Variants in LCOR observed in about 807,000 individuals in gnomAD.
LCOR encodes ligand dependent nuclear receptor corepressor, also known as ligand-dependent corepressor.
LCOR carries 14 observed loss-of-function variants against 64.4 expected under a neutral mutation model. That is an observed-to-expected ratio of 0.22 (90% confidence interval 0.14 to 0.34). The LOEUF (loss-of-function observed/expected upper bound fraction) is 0.34. Among genes scored for constraint, LCOR ranks in the 10% least tolerant of loss-of-function variants. The pLI is 1.00. For missense variants in LCOR, 1,686 were observed against 1,765.3 expected (o/e 0.96, Z 0.80); for synonymous variants, 643 against 642.5 (o/e 1.00, Z -0.01).
At chr10:96,932,483 G>C (rs1333879421) in intron 4 of LCOR, among the ~76,000 whole-genome samples, 1 of 151,366 alleles carries the variant, frequency 6.6e-6, no homozygotes, top group African/African-American at 2.4e-5. Flanking sequence ...TTTATTTTTT[G>C]AGACAGAGTC....
intron 4 of LCOR, among the ~76,000 whole-genome samples, chr10:96,927,102 A>G (rs1003804296): frequency 2.6e-5 from 4 of 152,328 alleles, no homozygotes; most frequent in African/African-American, 9.6e-5. Context: ...CGGTTTACCA[A>G]AGTGACTGAA....
At chr10:96,907,023 A>G (rs1048876068) in intron 2 of LCOR, among the ~76,000 whole-genome samples, 1 of 152,174 alleles carries the variant, frequency 6.6e-6, no homozygotes, top group African/African-American at 2.4e-5. Flanking sequence ...GTGAATTTCC[A>G]TTCCTTCATT....
At position 96,994,251 on chromosome 10, in the gene LCOR, C is replaced by T. The variant is rs1848224618; in HGVS notation, c.*9117C>T. On this transcript the variant is annotated 3_prime_UTR_variant, in exon 8 of 8. Transcript: ENST00000421806. ...TATTTGACCTACCTTTAAAACCTAGCCCATTTCATATCAGCCTCTTCTGTG... is the reference window on the plus strand; with the variant it reads ...TATTTGACCTACCTTTAAAACCTAGTCCATTTCATATCAGCCTCTTCTGTG... 6.6e-6 allele frequency: 1 copy of T among 152,180 alleles called. No homozygotes were observed. Among genetic ancestry groups the T allele is most frequent in the South Asian group, 2.1e-4 (1 of 4,826 alleles). The allele number at this position is 152,180 out of a possible 1,614,324, so 9.4% of individuals were successfully genotyped here. A position where few individuals can be genotyped will look rare whatever the true frequency, so the allele number is the denominator to read the frequency against.
At chr10:96,841,661 A>G (rs73318667) in intron 2 of LCOR, among the ~76,000 whole-genome samples, 2,355 of 152,080 alleles carry the variant, frequency 0.015, 67 homozygotes, top group African/African-American at 0.054. Context: ...GCGCCTGGCC[A>G]AGACTTTCTT....
At chr10:96,957,217 T>C in intron 7 of LCOR, 1 of 984,870 alleles carries the variant, frequency 1.0e-6, no homozygotes, top group Non-Finnish European at 1.2e-6. Context: ...TTTTTTCTGT[T>C]TTTGGCATCC....
intron 2 of LCOR, among the ~76,000 whole-genome samples, chr10:96,869,938 T>G (rs1846043808): frequency 6.6e-6 from 1 of 152,192 alleles, no homozygotes; most frequent in African/African-American, 2.4e-5. Context: ...TGAGGATGTA[T>G]AGACTTACCT....
rs71007310 is a variant in LCOR at position 96,942,458 on chromosome 10, G to GGAGGGAGAGGGAGAGGGA, written c.-183-1653_-183-1636dup. ...GAAGGAGACCGTGGAGAGAGGGAGA[G>GGAGGGAGAGGGAGAGGGA]GAGGGAGAGGGAGAGGGAGCGGTCA... On this transcript the variant is annotated intron_variant, in intron 4 of 7. Coordinates refer to ENST00000421806, the MANE Select transcript of LCOR (RefSeq NM_001346516.2). 3.3e-3 allele frequency among the ~76,000 whole-genome samples: 498 copies of GGAGGGAGAGGGAGAGGGA among 150,654 alleles called. 4 individuals carry two copies. The highest frequency in any genetic ancestry group is 0.012 in the African/African-American group (480 of 41,012).
chr10:96,841,594 C>G (rs1845542706), intron 2 of LCOR, among the ~76,000 whole-genome samples: 1 of 152,010 alleles, frequency 6.6e-6, no homozygotes, highest in Non-Finnish European at 1.5e-5. Flanking sequence ...CTCCTGACCT[C>G]AAGTGATCTG....
chr10:96,974,719 A>C (rs138626153), intron 7 of LCOR, among the ~76,000 whole-genome samples: 3 of 152,356 alleles, frequency 2.0e-5, no homozygotes, highest in African/African-American at 7.2e-5. Flanking sequence ...GGAAAAATTG[A>C]ATAACTAGAA....
At chr10:96,871,475 C>T (rs1589620141) in intron 2 of LCOR, among the ~76,000 whole-genome samples, 2 of 152,010 alleles carry the variant, frequency 1.3e-5, no homozygotes, top group South Asian at 2.1e-4. Flanking sequence ...TGCAGTGGCA[C>T]GATCTCGGCT....
At position 96,981,377 on chromosome 10, in the gene LCOR, A is replaced by T; in HGVS notation, c.917A>T (p.Asp306Val). The T allele has an allele frequency of 6.2e-7, 1 of 1,614,184 alleles. No homozygotes were observed. Among genetic ancestry groups the T allele is most frequent in the South Asian group, 1.1e-5 (1 of 91,078 alleles). ...GACACAAATGTGAACATATGTGAGG[A>T]TGGTAAAGACCATATGCAGAGTTCA... Reference protein sequence around the residue: ...EQDTNVNICEDGKDHMQSSAL... With the variant: ...EQDTNVNICEVGKDHMQSSAL... Residue 306 changes from aspartate to valine, a missense_variant, in exon 8 of 8, where the codon GAT becomes GTT. By Grantham distance (152) the Asp-to-Val change is radical (BLOSUM62 -3). Around this residue, in one of 3 missense-constraint regions of LCOR, gnomAD observed 313 missense variants for 247.2 expected, o/e 1.27. Coordinates refer to ENST00000421806, the MANE Select transcript of LCOR (RefSeq NM_001346516.2).
chr10:96,860,239 G>C (rs1479970022), intron 2 of LCOR, among the ~76,000 whole-genome samples: 1 of 152,182 alleles, frequency 6.6e-6, no homozygotes, highest in African/African-American at 2.4e-5. Flanking sequence ...TCCAGTGCCT[G>C]TGAATTTTAG....
At chr10:96,976,043 C>A (rs1282103918) in intron 7 of LCOR, among the ~76,000 whole-genome samples, 1 of 152,110 alleles carries the variant, frequency 6.6e-6, no homozygotes, top group Non-Finnish European at 1.5e-5. Flanking sequence ...TTACCAAGCA[C>A]AGTGGCTTAG....
chr10:96,862,300 G>A (rs551197054), intron 2 of LCOR, among the ~76,000 whole-genome samples: 3 of 152,088 alleles, frequency 2.0e-5, no homozygotes, highest in East Asian at 1.9e-4. Flanking sequence ...TTGAGATAGC[G>A]TCTCACTTTG....
At chr10:96,924,326 A>C (rs898865715) in intron 4 of LCOR, among the ~76,000 whole-genome samples, 1 of 152,084 alleles carries the variant, frequency 6.6e-6, no homozygotes, top group Non-Finnish European at 1.5e-5. Context: ...CCTCAGCCCC[A>C]CAAGTAGCTG....
At position 96,983,173 on chromosome 10, in the gene LCOR, G is replaced by T; in HGVS notation, c.2713G>T (p.Gly905Trp). 2.5e-6 allele frequency: 4 copies of T among 1,614,140 alleles called. No individual in the cohort carries two copies. Among genetic ancestry groups the T allele is most frequent in the Non-Finnish European group, 3.4e-6 (4 of 1,180,040 alleles). ...KDAEQEGEGG[G>W]IITRQTLKNM... is the part of the protein sequence containing the mutation. ...TGCTGAGCAGGAGGGCGAAGGCGGG[G>T]GGATCATCACCAGGCAGACTTTGAA... Residue 905 changes from glycine (G) to tryptophan (W), a missense_variant, in exon 8 of 8, where the codon GGG becomes TGG. Around this residue, in one of 3 missense-constraint regions of LCOR, gnomAD observed 1,293 missense variants for 1,410.4 expected, o/e 0.92. Transcript: ENST00000421806. This position sits in a 1 kb window ranked among gnomAD's most constrained non-coding sequence, Gnocchi z 4.5.
intron 3 of LCOR, 30 bp downstream of exon 3, chr10:96,907,360 T>G (rs955056724): frequency 2.5e-6 from 2 of 808,756 alleles, no homozygotes; most frequent in African/African-American, 3.7e-5. Flanking sequence ...TATTTCAAAT[T>G]CTTCCTGGTG....
chr10:96,917,054 A>G (rs985569256), intron 4 of LCOR, among the ~76,000 whole-genome samples: 7 of 152,252 alleles, frequency 4.6e-5, no homozygotes, highest in Non-Finnish European at 1.0e-4. Context: ...GGTATAGATT[A>G]TTTAGGATTA....
intron 2 of LCOR, among the ~76,000 whole-genome samples, chr10:96,888,270 C>T (rs1846378037): frequency 7.3e-6 from 1 of 136,512 alleles, no homozygotes; most frequent in South Asian, 2.4e-4. Flanking sequence ...GAGGCTGAGG[C>T]AGGAGAATCG....
Sources: allele counts gnomAD v4.1 joint callset (sites outside exome capture counted in the v4.1 genomes callset), GRCh38; gene constraint gnomAD v4.1.1; regional missense constraint gnomAD v4.1.1; non-coding constraint Gnocchi (gnomAD v3.1); transcripts MANE v1.5; gene names NCBI Gene and HGNC (gene_info 2026-07-23, HGNC 2026-07-21).